Variants in FKBP5 observed in about 807,000 individuals in gnomAD.
FKBP5 encodes FKBP prolyl isomerase 5, also known as peptidyl-prolyl cis-trans isomerase FKBP5.
A neutral mutation model predicts 50.5 loss-of-function variants in FKBP5; 23 were observed. The observed-to-expected ratio is 0.46, with a 90% CI of 0.33 to 0.65. The LOEUF is 0.65. Ranked by LOEUF, FKBP5 falls within the 30% of genes least tolerant of loss-of-function variation. FKBP5 has a pLI of 0.02. For synonymous variants in FKBP5, 176 were observed against 190.6 expected, an observed-to-expected ratio of 0.92 and a Z score of 0.63; for missense variants, 411 against 553.1, an observed-to-expected ratio of 0.74 and a Z score of 2.58.
chr6:35,625,899 C>T (rs1763982846), intron 3 of FKBP5, among the ~76,000 whole-genome samples: 1 of 151,484 alleles, frequency 6.6e-6, no homozygotes. Context: ...CCTGCCTCAG[C>T]CTCCCGAGTA....
intron 8 of FKBP5, chr6:35,580,816 C>G: frequency 1.0e-6 from 1 of 980,010 alleles, no homozygotes; most frequent in Middle Eastern, 5.3e-4. Flanking sequence ...GCTGGGATTA[C>G]AGGCATGAGC....
intron 1 of FKBP5, among the ~76,000 whole-genome samples, chr6:35,643,125 G>T (rs1764541257): frequency 6.6e-6 from 1 of 152,128 alleles, no homozygotes; most frequent in South Asian, 2.1e-4. Flanking sequence ...AACATAACAT[G>T]GTGAGAAGCA....
intron 6 of FKBP5, among the ~76,000 whole-genome samples, chr6:35,594,901 C>G (rs1762933894): frequency 6.6e-6 from 1 of 152,162 alleles, no homozygotes; most frequent in South Asian, 2.1e-4. Flanking sequence ...AACTTTTATG[C>G]CTGAAAAGAT....
chr6:35,672,526 T>A (rs1581871288), intron 1 of FKBP5, among the ~76,000 whole-genome samples: 1 of 152,132 alleles, frequency 6.6e-6, no homozygotes, highest in East Asian at 1.9e-4. Flanking sequence ...ACGACATCTT[T>A]ATGCATCCCA....
At chr6:35,653,222 C>T (rs1034533822) in intron 1 of FKBP5, among the ~76,000 whole-genome samples, 2 of 152,092 alleles carry the variant, frequency 1.3e-5, no homozygotes, top group African/African-American at 2.4e-5. Context: ...GGTATTGGGG[C>T]ATGTGCCTGT....
At chr6:35,604,720 T>A (rs531463267) in intron 5 of FKBP5, among the ~76,000 whole-genome samples, 2 of 152,328 alleles carry the variant, frequency 1.3e-5, no homozygotes, top group East Asian at 3.9e-4. Context: ...AATAGGTGAC[T>A]TTATCCCATT....
At chr6:35,580,982 A>G (rs1762411328) in intron 8 of FKBP5, 1 of 985,144 alleles carries the variant, frequency 1.0e-6, no homozygotes, top group Non-Finnish European at 1.2e-6. Context: ...AGCCAATCCT[A>G]TTTGAACCAG....
At chr6:35,666,476 T>C (rs192418378) in intron 1 of FKBP5, among the ~76,000 whole-genome samples, 146 of 144,580 alleles carry the variant, frequency 1.0e-3, no homozygotes, top group Non-Finnish European at 1.8e-3. Flanking sequence ...AATGGAAAAT[T>C]ATATAATTAA....
intron 8 of FKBP5, chr6:35,581,104 G>C: frequency 1.0e-6 from 1 of 963,942 alleles, no homozygotes; most frequent in Non-Finnish European, 1.2e-6. Context: ...TACAAAAACA[G>C]GCAGGGACCA....
chr6:35,639,887 C>T (rs1561871520), intron 2 of FKBP5, among the ~76,000 whole-genome samples: 1 of 152,120 alleles, frequency 6.6e-6, no homozygotes, highest in Non-Finnish European at 1.5e-5. Flanking sequence ...ATAATCTTTT[C>T]AGGAAAAACA....
chr6:35,706,424 CAAAAAAAAAAAAA>C (rs71002595), intron 2 of FKBP5, among the ~76,000 whole-genome samples: 1 of 103,876 alleles, frequency 9.6e-6, no homozygotes, highest in Non-Finnish European at 2.0e-5. Context: ...AACTCTGTCT[CAAAAAAAAAAAAA>C]AAAAAGAAAA....
intron 1 of FKBP5, among the ~76,000 whole-genome samples, chr6:35,685,347 A>G (rs943272167): frequency 6.6e-6 from 1 of 152,228 alleles, no homozygotes; most frequent in African/African-American, 2.4e-5. Context: ...GTTATGTGAC[A>G]TACATACCAC....
At chr6:35,595,607 C>T (rs546161318) in intron 6 of FKBP5, among the ~76,000 whole-genome samples, 6 of 152,064 alleles carry the variant, frequency 3.9e-5, no homozygotes, top group East Asian at 1.9e-4. Context: ...AAAAAGTAGC[C>T]GGGTGTGGTG....
At position 35,586,917 on chromosome 6, in the gene FKBP5, G is replaced by T; in HGVS notation, c.840+117C>A. 3.3e-6 allele frequency: 5 copies of T among 1,518,360 alleles called. No homozygotes were observed. In the South Asian group the frequency reaches 3.9e-5, roughly 12 times the overall value. The allele number at this position is 1,518,360 out of a possible 1,614,324, so 94.1% of individuals were successfully genotyped here. On this transcript the variant is annotated intron_variant, in intron 8 of 10. Transcript: ENST00000357266. ...TGAAAATGACAGATTTATAAAAATT[G>T]CAGCTTATTCTTACCAAGCAGTGTT...
At chr6:35,619,620 G>A (rs778880171) in intron 4 of FKBP5, among the ~76,000 whole-genome samples, 2 of 152,184 alleles carry the variant, frequency 1.3e-5, no homozygotes, top group Non-Finnish European at 2.9e-5. Context: ...ACCTACGACT[G>A]ATTAAAGGTG....
chr6:35,656,815 T>G (rs1424194346), intron 1 of FKBP5, among the ~76,000 whole-genome samples: 1 of 149,070 alleles, frequency 6.7e-6, no homozygotes, highest in Admixed American at 6.8e-5. Context: ...GAGAATTGCT[T>G]GAACCCGGGA....
chr6:35,719,638 A>C (rs1289823126), intron 2 of FKBP5, among the ~76,000 whole-genome samples: 1 of 152,182 alleles, frequency 6.6e-6, no homozygotes, highest in Admixed American at 6.5e-5. Flanking sequence ...GCTATAACCA[A>C]GCAGTTTCCC....
intron 2 of FKBP5, among the ~76,000 whole-genome samples, chr6:35,695,288 C>T (rs949046875): frequency 3.3e-5 from 5 of 152,198 alleles, no homozygotes; most frequent in Non-Finnish European, 7.3e-5. Flanking sequence ...CTCAGCCTCC[C>T]AAGTAGCTGA....
intron 1 of FKBP5, among the ~76,000 whole-genome samples, chr6:35,680,132 T>C (rs1320137882): frequency 6.6e-6 from 1 of 150,852 alleles, no homozygotes; most frequent in Non-Finnish European, 1.5e-5. Flanking sequence ...AAAAAAAAGA[T>C]TTAAAAAAAT....
Sources: gnomAD v4.1 joint callset for allele counts (sites outside exome capture counted in the v4.1 genomes callset) on GRCh38, gnomAD v4.1.1 for gene constraint, MANE v1.5 for transcripts, NCBI Gene and HGNC (gene_info 2026-07-23, HGNC 2026-07-21) for gene names.